The following CFAP74 variants were observed in gnomAD, a reference collection of about 807,000 sequenced individuals.
CFAP74 encodes cilia and flagella associated protein 74.
Under a neutral mutation model 188.9 loss-of-function variants are expected in CFAP74, and 124 were observed. The observed-to-expected ratio is 0.66, with a 90% CI of 0.57 to 0.76. The LOEUF is 0.76. Ranked by LOEUF, CFAP74 falls within the 30% of genes least tolerant of loss-of-function variation. The pLI, the probability that CFAP74 is intolerant of heterozygous loss-of-function variation, is 0.00. For synonymous variants in CFAP74, 956 were observed against 916.7 expected (o/e 1.04, Z -0.77); for missense variants, 2,198 against 2,165.2 (o/e 1.02, Z -0.30).
rs1208980051 is a variant in CFAP74 at position 1,992,550 on chromosome 1, T to C, written c.-19-1575A>G. On this transcript the variant is annotated intron_variant, in intron 1 of 38. Coordinates refer to ENST00000682832, the MANE Select transcript of CFAP74 (RefSeq NM_001304360.2). ...GTGCAGTGGCGGGATCTTGGCTCAC[T>C]GCAAGCTCTGCCTCCTGGGTTCACG... Among the ~76,000 whole-genome samples the C allele has an allele frequency of 2.0e-5, 3 of 151,986 alleles. No homozygotes were observed. In the East Asian group the frequency reaches 5.9e-4, roughly 30 times the overall value.
chr1:1,968,056 GTGAGTGAA>G lies in CFAP74; in HGVS notation c.1245+571_1245+578del, dbSNP rs1344817420. On this transcript the variant is annotated intron_variant, in intron 11 of 38. Transcript: ENST00000682832. This position sits in a 1 kb window ranked among gnomAD's most constrained non-coding sequence, Gnocchi z 4.3. ...AGTGAATGAATAAGTGTATCAGTGA[GTGAGTGAA>G]TGAATGAGTGAATGAGTAAAGAGTG... Among the ~76,000 whole-genome samples the G allele has an allele frequency of 6.6e-6, 1 of 152,160 alleles. No homozygotes were observed. The highest frequency in any genetic ancestry group is 2.4e-5 in the African/African-American group (1 of 41,428).
chr1:1,939,053 G>A, intron 24 of CFAP74, 65 bp from the exon 25 acceptor site: 1 of 1,474,122 alleles, frequency 6.8e-7, no homozygotes, highest in Non-Finnish European at 9.1e-7. Context: ...CGTGCGGCAG[G>A]GCCGTGAGTG....
At chr1:1,963,653 T>G (rs377100071) in intron 14 of CFAP74, 96 bp downstream of exon 14, 12 of 757,332 alleles carry the variant, frequency 1.6e-5, no homozygotes, top group African/African-American at 8.8e-5. Flanking sequence ...CTTATGCCCA[T>G]ATAGAGCCTG....
chr1:1,934,974 C>T lies in CFAP74; in HGVS notation c.3011+3881G>A, dbSNP rs532279027. Among the ~76,000 whole-genome samples, 37 of 33,786 alleles carry T rather than the reference C, an allele frequency of 1.1e-3. 11 individuals carry two copies. The highest frequency in any genetic ancestry group is 2.1e-3 in the Non-Finnish European group (36 of 17,092). The allele number at this position is 33,786 out of a possible 152,430, so 22.2% of individuals were successfully genotyped here. ...GTTAGGTTGTAGGTACACGTGTGTA[C>T]GTGGGTGTTAGGTTGTAGGTACACA... On this transcript the variant is annotated intron_variant, in intron 25 of 38. Coordinates refer to ENST00000682832, the MANE Select transcript of CFAP74 (RefSeq NM_001304360.2).
At chr1:1,937,345 C>T (rs1241275355) in intron 25 of CFAP74, among the ~76,000 whole-genome samples, 2 of 152,170 alleles carry the variant, frequency 1.3e-5, no homozygotes, top group Non-Finnish European at 2.9e-5. Flanking sequence ...ACTGACACCA[C>T]GGGACAGCAT....
At chr1:1,956,330 T>G (rs1457928185) in intron 17 of CFAP74, among the ~76,000 whole-genome samples, 1 of 152,130 alleles carries the variant, frequency 6.6e-6, no homozygotes, top group East Asian at 1.9e-4. Context: ...CGGGGGAGGC[T>G]GGGTCTCCTG....
rs975803722 is a variant in CFAP74, at chr1:1,969,961, C to T, written c.1046+698G>A. Among the ~76,000 whole-genome samples the T allele has an allele frequency of 3.9e-5, 6 of 152,286 alleles. No individual in the cohort carries two copies. In the South Asian group the frequency reaches 6.2e-4, roughly 16 times the overall value. ...GCAAAACCCAGGACAGGGTGGTTTG[C>T]GTGGAGGTCACTGGGGAGCGTTACG... On this transcript the variant is annotated intron_variant, in intron 10 of 38. Transcript: ENST00000682832.
Position 1,972,929 on chromosome 1 carries a change from G to A in CFAP74, c.785+8C>T. ...TTTCTCCTTAAGGACGTCGAAGGGA[G>A]GCCCTACCTTCCCAGGGAGGCCTTC... On this transcript the variant is annotated splice_region_variant and intron_variant, in intron 8 of 38. Coordinates refer to ENST00000682832, the MANE Select transcript of CFAP74 (RefSeq NM_001304360.2). The A allele has an allele frequency of 1.3e-6, 2 of 1,589,806 alleles. No homozygotes were observed. The highest frequency in any genetic ancestry group is 1.7e-6 in the Non-Finnish European group (2 of 1,158,056).
At chr1:1,987,412 C>T (rs997122611) in intron 4 of CFAP74, among the ~76,000 whole-genome samples, 4 of 152,294 alleles carry the variant, frequency 2.6e-5, no homozygotes, top group Middle Eastern at 3.4e-3. Context: ...TTCCAGAGAG[C>T]GGGCCAGGCA....
chr1:1,931,926 C>T (rs1448236517), intron 25 of CFAP74, among the ~76,000 whole-genome samples: 3 of 149,502 alleles, frequency 2.0e-5, no homozygotes, highest in South Asian at 2.1e-4. Flanking sequence ...GTTAGCTGGG[C>T]GTGGTGGCCG....
chr1:1,996,858 T>C (rs944209345), intron 1 of CFAP74, among the ~76,000 whole-genome samples: 1 of 142,178 alleles, frequency 7.0e-6, no homozygotes, highest in African/African-American at 2.6e-5. Flanking sequence ...GAGGTGGAGG[T>C]TGCAGTGAGC....
chr1:1,998,809 G>A (rs1346309596), intron 1 of CFAP74, among the ~76,000 whole-genome samples: 26 of 152,196 alleles, frequency 1.7e-4, no homozygotes, highest in Admixed American at 9.8e-4. Context: ...GCCAGGAGGC[G>A]GAGCTTGCAG....
Position 1,985,544 on chromosome 1 carries a change from G to C in CFAP74, c.396-54C>G. ...TGTGTCAGGCCTCAGTCATCCAGGG[G>C]CCATCCAGGTTCACCTGGCACTCCC... On this transcript the variant is annotated intron_variant, in intron 5 of 38. Transcript: ENST00000682832. 2.8e-6 allele frequency: 4 copies of C among 1,426,242 alleles called. No individual in the cohort carries two copies. In the South Asian group the frequency reaches 4.6e-5, roughly 16 times the overall value. The allele number at this position is 1,426,242 out of a possible 1,614,324, so 88.3% of individuals were successfully genotyped here. A position where few individuals can be genotyped will look rare whatever the true frequency, so the allele number is the denominator to read the frequency against.
rs555553690 is a variant in CFAP74, at chr1:1,944,200, C to T, written c.2486+131G>A. 7.5e-4 allele frequency: 1,076 copies of T among 1,429,830 alleles called. 9 individuals are homozygous for T. In the African/African-American group the frequency reaches 0.013, roughly 17 times the overall value. 88.6% of individuals were successfully genotyped at this position (1,429,830 alleles called of 1,614,324 possible). On this transcript the variant is annotated intron_variant, in intron 21 of 38. Transcript: ENST00000682832. ...TCACCGCGTGTGCACAGGCAGGCAG[C>T]GGCTCACCCCGTGTGCGTGGGTCAC... is the stretch of plus-strand genomic sequence containing the variant.
At chr1:1,937,922 GCA>G (rs1346078358) in intron 25 of CFAP74, among the ~76,000 whole-genome samples, 1 of 148,400 alleles carries the variant, frequency 6.7e-6, no homozygotes, top group Non-Finnish European at 1.5e-5. Context: ...ATACACACAT[GCA>G]CACACACAGT....
intron 25 of CFAP74, among the ~76,000 whole-genome samples, chr1:1,938,341 C>T (rs892420924): frequency 8.6e-5 from 13 of 151,462 alleles, no homozygotes; most frequent in African/African-American, 3.2e-4. Flanking sequence ...CACTCACACA[C>T]ACACGCTCAC....
intron 9 of CFAP74, among the ~76,000 whole-genome samples, chr1:1,971,488 A>G (rs1345778338): frequency 6.6e-6 from 1 of 152,256 alleles, no homozygotes; most frequent in African/African-American, 2.4e-5. Context: ...CCTTAAACCA[A>G]TGTTGACGCC....
Position 1,944,386 on chromosome 1 carries a change from GGTCCACGCTGGGCTTC to G in CFAP74, c.2415_2430del (p.Lys806Ter), listed in dbSNP as rs1653605963. 1.3e-6 allele frequency: 2 copies of G among 1,535,998 alleles called. No homozygotes were observed. The highest frequency in any genetic ancestry group is 1.7e-6 in the Non-Finnish European group (2 of 1,146,922). ...AGCCGGTCATACATGCAGATCTTCA[GGTCCACGCTGGGCTTC>G]GGCACCCAGACCGGCACATCGATGG... is the stretch of plus-strand genomic sequence containing the variant. On this transcript the variant is annotated frameshift_variant, in exon 21 of 39. Coordinates refer to ENST00000682832, the MANE Select transcript of CFAP74 (RefSeq NM_001304360.2). LOFTEE classifies it high-confidence loss of function.
At chr1:1,932,066 C>CAAAAAA (rs1214190743) in intron 25 of CFAP74, among the ~76,000 whole-genome samples, 5 of 49,420 alleles carry the variant, frequency 1.0e-4, no homozygotes, top group African/African-American at 4.5e-4. Flanking sequence ...ACTCTCGCCT[C>CAAAAAA]AAAAAAAAAA....
Sources: gnomAD v4.1 joint callset for allele counts (sites outside exome capture counted in the v4.1 genomes callset) on GRCh38, gnomAD v4.1.1 for gene constraint, Gnocchi (gnomAD v3.1) non-coding constraint, MANE v1.5 for transcripts, NCBI Gene and HGNC (gene_info 2026-07-23, HGNC 2026-07-21) for gene names.